The following PSME3IP1 variants were observed in gnomAD, a reference collection of about 807,000 sequenced individuals.
PSME3IP1 encodes proteasome activator subunit 3 interacting protein 1.
In PSME3IP1, 13 loss-of-function variants were observed where a neutral mutation model predicts 34.1. The ratio of observed to expected loss-of-function variants is 0.38; its 90% CI spans 0.25 to 0.61. The LOEUF is 0.61. PSME3IP1 is among the 20% of genes least tolerant of loss of function. The pLI, the probability that PSME3IP1 is intolerant of heterozygous loss-of-function variation, is 0.60. For missense variants in PSME3IP1, 237 were observed against 301.4 expected (o/e 0.79, Z 1.58); for synonymous variants, 93 against 114.3 (o/e 0.81, Z 1.19).
chr16:57,161,509 A>ATT (rs35833252), intron 6 of PSME3IP1, among the ~76,000 whole-genome samples: 3 of 93,690 alleles, frequency 3.2e-5, no homozygotes, highest in Non-Finnish European at 6.7e-5. Context: ...TAAGATCATA[A>ATT]TTTTTTTTTT....
chr16:57,174,139 C>T (rs149778337), intron 1 of PSME3IP1: 31 of 294,488 alleles, frequency 1.1e-4, no homozygotes, highest in African/African-American at 5.5e-4. Flanking sequence ...ACTAAAAATA[C>T]AAAAATTAGC....
At position 57,157,313 on chromosome 16, in the gene PSME3IP1, CAA is replaced by C. The variant is rs751911757; in HGVS notation, c.548-2808_548-2807del. 7.8e-4 allele frequency among the ~76,000 whole-genome samples: 60 copies of C among 76,806 alleles called. 1 individual carries two copies. The highest frequency in any genetic ancestry group is 2.9e-3 in the East Asian group (11 of 3,748). The allele number at this position is 76,806 out of a possible 152,430, so 50.4% of individuals were successfully genotyped here. A position where few individuals can be genotyped will look rare whatever the true frequency, so the allele number is the denominator to read the frequency against. Reference sequence around the variant, plus strand: ...GGGTGACAGAGCGAGAACCTATCTCCAAAAAAAAAAAAAAAAAAAGAAGAAGA... The same window carrying C: ...GGGTGACAGAGCGAGAACCTATCTCCAAAAAAAAAAAAAAAAAGAAGAAGA... On this transcript the variant is annotated intron_variant, in intron 6 of 6. Transcript: ENST00000309137.
At chr16:57,166,281 C>T (rs1476253992) in intron 5 of PSME3IP1, among the ~76,000 whole-genome samples, 3 of 152,176 alleles carry the variant, frequency 2.0e-5, no homozygotes, top group Non-Finnish European at 4.4e-5. Context: ...ATCTAAATGA[C>T]CAGATTCAAT....
chr16:57,158,398 G>A (rs113584813), intron 6 of PSME3IP1, among the ~76,000 whole-genome samples: 5,614 of 151,490 alleles, frequency 0.037, 107 homozygotes, highest in Middle Eastern at 0.11. Flanking sequence ...GACCAGCCTG[G>A]CCAACACAGG....
At chr16:57,180,743 AAAAC>A (rs374428781) in intron 1 of PSME3IP1, among the ~76,000 whole-genome samples, 223 of 152,280 alleles carry the variant, frequency 1.5e-3, no homozygotes, top group African/African-American at 4.8e-3. Context: ...AACTCTATTA[AAAAC>A]AAACAAACAA....
intron 1 of PSME3IP1, among the ~76,000 whole-genome samples, chr16:57,177,936 C>A (rs2145912095): frequency 6.6e-6 from 1 of 152,232 alleles, no homozygotes; most frequent in East Asian, 1.9e-4. Context: ...CTGCAGTGAC[C>A]CATGATCGCA....
chr16:57,173,908 G>C, intron 1 of PSME3IP1, 39 bp from the exon 2 acceptor site: 1 of 1,582,722 alleles, frequency 6.3e-7, no homozygotes, highest in Non-Finnish European at 8.6e-7. Flanking sequence ...ATCATTTCAA[G>C]TGAGAACTGC....
intron 6 of PSME3IP1, 122 bp downstream of exon 6, chr16:57,163,879 A>T: frequency 2.0e-6 from 2 of 1,014,538 alleles, no homozygotes; most frequent in Non-Finnish European, 3.0e-6. Context: ...TGGGTAAATT[A>T]AGCATAGGTA....
rs2070215918 is a variant in PSME3IP1, at chr16:57,154,050, A to C, written c.*240T>G. ...TGGGCCTTGCCCTCCTCCCAATATCAGTGAGGAAAGTGGCAGCGGGACAGG... is the reference window on the plus strand; with the variant it reads ...TGGGCCTTGCCCTCCTCCCAATATCCGTGAGGAAAGTGGCAGCGGGACAGG... On this transcript the variant is annotated 3_prime_UTR_variant, in exon 7 of 7. Transcript: ENST00000309137. The surrounding 1 kb of genome is among the most constrained non-coding windows in gnomAD (Gnocchi z 4.0). 1 of 477,794 alleles carries C rather than the reference A, an allele frequency of 2.1e-6. No homozygotes were observed. The allele number at this position is 477,794 out of a possible 1,614,324, so 29.6% of individuals were successfully genotyped here.
upstream of PSME3IP1, chr16:57,186,092 C>T: frequency 1.0e-6 from 1 of 985,600 alleles, no homozygotes; most frequent in Non-Finnish European, 1.2e-6. Context: ...GCTCTTCCTC[C>T]CCGGGAGCCC....
At chr16:57,174,329 A>T in intron 1 of PSME3IP1, 1 of 501,546 alleles carries the variant, frequency 2.0e-6, no homozygotes, top group Non-Finnish European at 2.6e-6. Flanking sequence ...TTTAATTTAT[A>T]GGCCATTGAT....
intron 1 of PSME3IP1, among the ~76,000 whole-genome samples, chr16:57,185,241 C>T (rs565004717): frequency 6.6e-6 from 1 of 152,304 alleles, no homozygotes; most frequent in East Asian, 1.9e-4. Flanking sequence ...AACAGGTCTC[C>T]CCCTTTCCTC....
Position 57,154,638 on chromosome 16 carries a change from T to A in PSME3IP1, c.548-131A>T. ...CCTTAGAACAATGCTATGCAGCCAA[T>A]ACTATCATCACCCTCGTTTTAGAGA... On this transcript the variant is annotated intron_variant, in intron 6 of 6. Transcript: ENST00000309137. The surrounding 1 kb of genome is among the most constrained non-coding windows in gnomAD (Gnocchi z 4.0). 1.4e-6 allele frequency: 1 copy of A among 693,482 alleles called. No homozygotes were observed. Among genetic ancestry groups the A allele is most frequent in the South Asian group, 2.2e-5 (1 of 45,602 alleles). 43.0% of individuals were successfully genotyped at this position (693,482 alleles called of 1,614,324 possible). A position where few individuals can be genotyped will look rare whatever the true frequency, so the allele number is the denominator to read the frequency against.
At chr16:57,181,065 T>TA (rs1190589801) in intron 1 of PSME3IP1, among the ~76,000 whole-genome samples, 6 of 150,914 alleles carry the variant, frequency 4.0e-5, no homozygotes, top group East Asian at 3.9e-4. Flanking sequence ...AAAAAGAAGT[T>TA]AAAAAAAAAG....
chr16:57,165,518 G>T (rs1051172544), intron 5 of PSME3IP1, among the ~76,000 whole-genome samples: 1 of 152,016 alleles, frequency 6.6e-6, no homozygotes, highest in African/African-American at 2.4e-5. Flanking sequence ...TGCTTGTTTT[G>T]GTCTTATGCT....
At chr16:57,172,983 C>A (rs1324879427) in intron 2 of PSME3IP1, 109 bp from the exon 3 acceptor site, 5 of 751,564 alleles carry the variant, frequency 6.7e-6, no homozygotes, top group Non-Finnish European at 1.2e-5. Context: ...AAAGTCAAGT[C>A]TCTGCATGAT....
chr16:57,161,334 G>A (rs1472304184), intron 6 of PSME3IP1, among the ~76,000 whole-genome samples: 1 of 152,102 alleles, frequency 6.6e-6, no homozygotes, highest in Admixed American at 6.5e-5. Flanking sequence ...AGTGGAAGAA[G>A]AGAGTCCAGA....
chr16:57,165,539 T>C (rs1187525395), intron 5 of PSME3IP1, among the ~76,000 whole-genome samples: 4 of 152,188 alleles, frequency 2.6e-5, no homozygotes, highest in African/African-American at 9.7e-5. Flanking sequence ...TCATGACATA[T>C]ACATGCCAAT....
intron 1 of PSME3IP1, chr16:57,185,592 C>G (rs2074104164): frequency 1.8e-5 from 18 of 985,556 alleles, no homozygotes; most frequent in Non-Finnish European, 2.2e-5. Context: ...CAGTGTTGGG[C>G]CCGCCTGAAA....
Sources: allele counts gnomAD v4.1 joint callset (sites outside exome capture counted in the v4.1 genomes callset), GRCh38; gene constraint gnomAD v4.1.1; non-coding constraint Gnocchi (gnomAD v3.1); transcripts MANE v1.5; gene names NCBI Gene and HGNC (gene_info 2026-07-23, HGNC 2026-07-21).